Variants in CYSLTR1 observed in about 807,000 individuals in gnomAD.
The protein encoded by CYSLTR1 is G-protein coupled receptor HG55.
A neutral mutation model predicts 2.1 loss-of-function variants in CYSLTR1; 1 was observed. The observed-to-expected ratio is 0.48, with a 90% CI of 0.17 to 2.28. CYSLTR1 has a LOEUF of 2.28. CYSLTR1 is among the 30% of genes most tolerant of loss of function. The pLI, the probability that CYSLTR1 is intolerant of heterozygous loss-of-function variation, is 0.26. For synonymous variants in CYSLTR1, 110 were observed against 89.6 expected, an observed-to-expected ratio of 1.23 and a Z score of -1.28; for missense variants, 299 against 250.1, an observed-to-expected ratio of 1.20 and a Z score of -1.32.
intron 1 of CYSLTR1, among the ~76,000 whole-genome samples, chrX:78,301,704 T>G (rs1379598883): frequency 8.9e-6 from 1 of 112,075 alleles, no homozygotes; most frequent in Non-Finnish European, 1.9e-5. Flanking sequence ...TGTTTCAACC[T>G]CTGCCTGTTA....
chrX:78,306,693 G>C (rs1412034842), intron 1 of CYSLTR1, among the ~76,000 whole-genome samples: 1 of 111,794 alleles, frequency 8.9e-6, no homozygotes, highest in Non-Finnish European at 1.9e-5. Context: ...ACTTAGCTGT[G>C]TGACCTTGGG....
At chrX:78,283,137 G>A (rs1338253159) in intron 2 of CYSLTR1, among the ~76,000 whole-genome samples, 1 of 111,235 alleles carries the variant, frequency 9.0e-6, no homozygotes, top group Non-Finnish European at 1.9e-5. Context: ...AGAATTTACC[G>A]TGATCCCCCA....
At chrX:78,285,370 C>T (rs200293120) in intron 1 of CYSLTR1, among the ~76,000 whole-genome samples, 1 of 100,034 alleles carries the variant, frequency 1.0e-5, no homozygotes, top group African/African-American at 3.8e-5. Context: ...TGCAGTGAGC[C>T]GAGATCGCGC....
At chrX:78,280,746 C>T (rs1921807371) in intron 2 of CYSLTR1, among the ~76,000 whole-genome samples, 1 of 111,269 alleles carries the variant, frequency 9.0e-6, no homozygotes, top group Admixed American at 9.6e-5. Context: ...AGCCTCTACC[C>T]TCAGGTAGGT....
chrX:78,275,852 C>T (rs979853689), intron 2 of CYSLTR1, among the ~76,000 whole-genome samples: 2 of 111,733 alleles, frequency 1.8e-5, no homozygotes, highest in African/African-American at 6.5e-5. Context: ...AAACTCCCTC[C>T]CCTGGGGGAG....
Position 78,273,200 on chromosome X carries a change from T to C in CYSLTR1, c.547A>G (p.Lys183Glu), listed in dbSNP as rs1460719173. The change falls in exon 3 of 3, where the codon AAA becomes GAA. Residue 183 changes from lysine (K) to glutamate (E), a missense_variant. Physicochemically the swap from Lys to Glu is moderately conservative, Grantham distance 56. Transcript: ENST00000373304. Reference sequence around the variant, plus strand: ...TAATGCAAGACCAAAACATGATTTTTAGTTTGATTGTCTTGTGGGGGCTCA... The same window carrying C: ...TAATGCAAGACCAAAACATGATTTTCAGTTTGATTGTCTTGTGGGGGCTCA... ...CFEPPQDNQT[K>E]NHVLVLHYVS... 2 of 1,211,226 alleles carry C rather than the reference T, an allele frequency of 1.7e-6. No homozygotes were observed. The highest frequency in any genetic ancestry group is 2.2e-6 in the Non-Finnish European group (2 of 895,271).
intron 1 of CYSLTR1, among the ~76,000 whole-genome samples, chrX:78,283,889 G>A (rs998932384): frequency 4.5e-5 from 5 of 111,783 alleles, no homozygotes; most frequent in Admixed American, 2.9e-4. Flanking sequence ...TGGTTATAAA[G>A]TTAAGAGGGG....
At chrX:78,303,753 A>ACTATTAGG (rs1922919956) in intron 1 of CYSLTR1, among the ~76,000 whole-genome samples, 1 of 111,909 alleles carries the variant, frequency 8.9e-6, no homozygotes, top group African/African-American at 3.2e-5. Flanking sequence ...AATTCATAGG[A>ACTATTAGG]CTATTAGGCC....
chrX:78,273,922 C>G, intron 2 of CYSLTR1, 149 bp from the exon 3 acceptor site: 1 of 492,796 alleles, frequency 2.0e-6, no homozygotes, highest in East Asian at 3.8e-5. Flanking sequence ...TCAGCTGTAC[C>G]TTATCCTCCG....
intron 1 of CYSLTR1, among the ~76,000 whole-genome samples, chrX:78,317,438 A>C (rs956382819): frequency 4.4e-5 from 5 of 112,698 alleles, no homozygotes; most frequent in Non-Finnish European, 9.4e-5. Context: ...TTAAAGAACT[A>C]AAAGTGGAAT....
intron 1 of CYSLTR1, among the ~76,000 whole-genome samples, chrX:78,315,528 G>C (rs1429196284): frequency 9.0e-6 from 1 of 111,397 alleles, no homozygotes; most frequent in Non-Finnish European, 1.9e-5. Flanking sequence ...GGAGCCTACT[G>C]TTCTGTAGGG....
intron 2 of CYSLTR1, among the ~76,000 whole-genome samples, chrX:78,280,955 C>G (rs1921814308): frequency 8.9e-6 from 1 of 112,207 alleles, no homozygotes. Flanking sequence ...ATGGTGCATA[C>G]ATACTACATT....
At chrX:78,316,532 T>A (rs1052286588) in intron 1 of CYSLTR1, among the ~76,000 whole-genome samples, 3 of 111,847 alleles carry the variant, frequency 2.7e-5, no homozygotes, top group African/African-American at 9.8e-5. Flanking sequence ...CTTGGCACCA[T>A]TAGTGGAGCA....
At chrX:78,308,226 G>A (rs1414639908) in intron 1 of CYSLTR1, among the ~76,000 whole-genome samples, 1 of 111,854 alleles carries the variant, frequency 8.9e-6, no homozygotes, top group East Asian at 2.8e-4. Flanking sequence ...TTAGTGAGTA[G>A]AATGAAATGG....
rs773568111 is a variant in CYSLTR1, at chrX:78,296,873, G to GTTCT, written c.-114-13337_-114-13334dup. ...TGACTTATTCCTTTTTAACTTGGAT[G>GTTCT]TTCTTTATTTCTTTTTCTTTTCTGA... is the stretch of plus-strand genomic sequence containing the variant. On this transcript the variant is annotated intron_variant, in intron 1 of 2. Coordinates refer to ENST00000373304, the MANE Select transcript of CYSLTR1 (RefSeq NM_006639.4). Among the ~76,000 whole-genome samples, 18 of 111,498 alleles carry GTTCT rather than the reference G, an allele frequency of 1.6e-4. 1 individual carries two copies. In the South Asian group the frequency reaches 6.7e-3, roughly 41 times the overall value.
chrX:78,273,173 C>T lies in CYSLTR1; in HGVS notation c.574G>A (p.Val192Met), dbSNP rs1481290702. Residue 192 changes from valine (V) to methionine (M), a missense_variant, in exon 3 of 3, where the codon GTG becomes ATG. Val to Met is a conservative substitution (Grantham distance 21). Transcript: ENST00000373304. ...ATGATAAAGCCAACAAACAATGACACATAATGCAAGACCAAAACATGATTT... is the reference window on the plus strand; with the variant it reads ...ATGATAAAGCCAACAAACAATGACATATAATGCAAGACCAAAACATGATTT... ...TKNHVLVLHY[V>M]SLFVGFIIPF... 8.3e-7 allele frequency: 1 copy of T among 1,207,981 alleles called. No individual in the cohort carries two copies. The highest frequency in any genetic ancestry group is 1.8e-5 in the African/African-American group (1 of 56,951).
chrX:78,273,927 C>T (rs762103144), intron 2 of CYSLTR1, among the ~76,000 whole-genome samples, 154 bp from the exon 3 acceptor site: 1 of 111,224 alleles, frequency 9.0e-6, no homozygotes, highest in African/African-American at 3.3e-5. Flanking sequence ...TGTACCTTAT[C>T]CTCCGGAGAA....
At chrX:78,324,471 G>A (rs1235419371) in intron 1 of CYSLTR1, among the ~76,000 whole-genome samples, 1 of 111,599 alleles carries the variant, frequency 9.0e-6, no homozygotes, top group Non-Finnish European at 1.9e-5. Context: ...GGGTTCAAGC[G>A]ATTCTCCTGC....
At chrX:78,294,146 T>TGAC (rs779650796) in intron 1 of CYSLTR1, among the ~76,000 whole-genome samples, 1 of 112,427 alleles carries the variant, frequency 8.9e-6, no homozygotes, top group South Asian at 3.7e-4. Context: ...TTGATGATGA[T>TGAC]GACGTACAGA....
Sources: gnomAD v4.1 joint callset for allele counts (sites outside exome capture counted in the v4.1 genomes callset) on GRCh38, gnomAD v4.1.1 for gene constraint, MANE v1.5 for transcripts, NCBI Gene and HGNC (gene_info 2026-07-23, HGNC 2026-07-21) for gene names.